Variants in SMARCAL1 observed in about 807,000 individuals in gnomAD.
SMARCAL1 encodes the protein ATP-driven annealing helicase.
In SMARCAL1, 58 loss-of-function variants were observed where a neutral mutation model predicts 94.5. That is an observed-to-expected ratio of 0.61 (90% CI 0.50 to 0.76). The LOEUF (loss-of-function observed/expected upper bound fraction) is 0.76, where lower values mean the gene tolerates loss of function less well. Ranked by LOEUF, SMARCAL1 falls within the 30% of genes least tolerant of loss-of-function variation. The probability of loss-of-function intolerance (pLI) is 0.00; values close to 1 mark genes in which losing one functional copy is unlikely to be tolerated. For missense variants in SMARCAL1, 1,051 were observed against 1,177.9 expected (o/e 0.89, Z 1.58); for synonymous variants, 422 against 455.1 (o/e 0.93, Z 0.93).
intron 17 of SMARCAL1, among the ~76,000 whole-genome samples, chr2:216,479,872 G>A (rs912374181): frequency 2.0e-5 from 3 of 152,052 alleles, no homozygotes; most frequent in Non-Finnish European, 4.4e-5. Flanking sequence ...GCAACATGGT[G>A]AAACCCCCAT....
At chr2:216,450,052 C>T (rs1018776453) in intron 11 of SMARCAL1, among the ~76,000 whole-genome samples, 1 of 152,110 alleles carries the variant, frequency 6.6e-6, no homozygotes, top group Non-Finnish European at 1.5e-5. Flanking sequence ...GGCAAAACTC[C>T]TGACCTCAAC....
intron 6 of SMARCAL1, among the ~76,000 whole-genome samples, chr2:216,426,615 G>A (rs1693839449): frequency 6.6e-6 from 1 of 152,184 alleles, no homozygotes; most frequent in African/African-American, 2.4e-5. Context: ...CTTACTGGGA[G>A]CATTGCAAGG....
In SMARCAL1 at chr2:216,477,083, G is replaced by A. The variant is rs774743664; in HGVS notation, c.2428-26G>A. The A allele has an allele frequency of 7.1e-6, 11 of 1,547,872 alleles. No individual in the cohort carries two copies. The South Asian group carries it at 1.3e-4, about 18-fold the overall frequency. ...ATGGAACTGCTTCAGGCCTTTACCT[G>A]CCTGTCTCAATTCCTGGACACACAG... On this transcript the variant is annotated intron_variant, in intron 15 of 17. Coordinates refer to ENST00000357276, the MANE Select transcript of SMARCAL1 (RefSeq NM_014140.4).
intron 12 of SMARCAL1, among the ~76,000 whole-genome samples, chr2:216,461,175 G>A (rs1694692377): frequency 6.6e-6 from 1 of 151,018 alleles, no homozygotes. Context: ...TAATTAAATT[G>A]ATTTAATTAA....
chr2:216,470,004 T>C (rs1694925860), intron 14 of SMARCAL1, among the ~76,000 whole-genome samples: 1 of 152,206 alleles, frequency 6.6e-6, no homozygotes, highest in Non-Finnish European at 1.5e-5. Flanking sequence ...TTTATTTATT[T>C]ATTTATGGCC....
At chr2:216,456,443 G>C (rs1694570342) in intron 12 of SMARCAL1, among the ~76,000 whole-genome samples, 3 of 152,200 alleles carry the variant, frequency 2.0e-5, no homozygotes, top group Admixed American at 6.5e-5. Flanking sequence ...GGCAGCCAGA[G>C]AGAAAGGTTG....
chr2:216,443,396 G>A (rs1694240634), intron 10 of SMARCAL1, among the ~76,000 whole-genome samples: 1 of 148,416 alleles, frequency 6.7e-6, no homozygotes, highest in African/African-American at 2.5e-5. Context: ...AGCTTGGAAT[G>A]GCATAGCTTT....
chr2:216,445,047 C>T (rs1328176684), intron 10 of SMARCAL1, among the ~76,000 whole-genome samples: 1 of 152,182 alleles, frequency 6.6e-6, no homozygotes, highest in Non-Finnish European at 1.5e-5. Context: ...TTACATTGTT[C>T]TATCTTCGAT....
At chr2:216,467,304 C>T (rs1470468647) in intron 13 of SMARCAL1, among the ~76,000 whole-genome samples, 1 of 152,010 alleles carries the variant, frequency 6.6e-6, no homozygotes, top group Non-Finnish European at 1.5e-5. Context: ...AACCCCATCC[C>T]TACTAAAAAT....
intron 12 of SMARCAL1, among the ~76,000 whole-genome samples, chr2:216,460,720 A>T (rs186161774): frequency 0.032 from 4,872 of 150,062 alleles, 177 homozygotes; most frequent in East Asian, 0.14. Context: ...TAGCATTAGG[A>T]GATATACCTA....
intron 16 of SMARCAL1, among the ~76,000 whole-genome samples, chr2:216,477,830 T>G (rs1160862910): frequency 6.6e-6 from 1 of 152,196 alleles, no homozygotes; most frequent in Admixed American, 6.5e-5. Context: ...TTTCCAGCCT[T>G]ATGACTAAGG....
intron 17 of SMARCAL1, among the ~76,000 whole-genome samples, chr2:216,481,486 G>A (rs1014145463): frequency 1.4e-5 from 2 of 147,218 alleles, no homozygotes; most frequent in Admixed American, 1.4e-4. Context: ...GTGAGCCCTT[G>A]CAGCAGCCTT....
In SMARCAL1 at chr2:216,415,127, T is replaced by C. The variant is rs35907255; in HGVS notation, c.423T>C (p.Tyr141=). 0.011 allele frequency: 18,488 copies of C among 1,613,408 alleles called. 147 individuals carry two copies. The highest frequency in any genetic ancestry group is 0.016 in the Middle Eastern group (94 of 6,062). ...TCCCTAAACAACAGCTCTTGAGTTATGAGTTAGGTCAAGGTCATGCTCAGG... is the reference window on the plus strand; with the variant it reads ...TCCCTAAACAACAGCTCTTGAGTTACGAGTTAGGTCAAGGTCATGCTCAGG... ...PEVPKQQLLS[Y]ELGQGHAQAS... The change falls in exon 3 of 18, where the codon TAT becomes TAC. Residue 141 remains tyrosine (Y), a synonymous_variant. Coordinates refer to ENST00000357276, the MANE Select transcript of SMARCAL1 (RefSeq NM_014140.4).
intron 10 of SMARCAL1, among the ~76,000 whole-genome samples, chr2:216,441,458 GA>G (rs1694194859): frequency 6.6e-6 from 1 of 152,064 alleles, no homozygotes. Flanking sequence ...CCCTCCAACA[GA>G]AAAAGCCACT....
At chr2:216,438,677 A>G (rs1694131039) in intron 10 of SMARCAL1, among the ~76,000 whole-genome samples, 192 bp downstream of exon 10, 1 of 151,914 alleles carries the variant, frequency 6.6e-6, no homozygotes, top group South Asian at 2.1e-4. Flanking sequence ...TCTTCCTAAC[A>G]TCCTGCTAAG....
chr2:216,478,779 G>GA (rs1695140957), intron 17 of SMARCAL1, among the ~76,000 whole-genome samples: 1 of 152,226 alleles, frequency 6.6e-6, no homozygotes, highest in Non-Finnish European at 1.5e-5. Flanking sequence ...AGTATAGTAG[G>GA]TTTGCACAAA....
rs1344689718 is a variant in SMARCAL1, at chr2:216,464,719, A to G, written c.2141+52A>G. 4.0e-6 allele frequency: 5 copies of G among 1,245,736 alleles called. No individual in the cohort carries two copies. The South Asian group carries it at 6.0e-5, about 15-fold the overall frequency. 77.2% of individuals were successfully genotyped at this position (1,245,736 alleles called of 1,614,324 possible). A position where few individuals can be genotyped will look rare whatever the true frequency, so the allele number is the denominator to read the frequency against. Reference sequence around the variant, plus strand: ...TCTCTCTCTCATCTTCAAAAAAAAAAAAAACAACTTATTACTTTATTCTGC... The same window carrying G: ...TCTCTCTCTCATCTTCAAAAAAAAAGAAAACAACTTATTACTTTATTCTGC... On this transcript the variant is annotated intron_variant, in intron 13 of 17. Coordinates refer to ENST00000357276, the MANE Select transcript of SMARCAL1 (RefSeq NM_014140.4).
At chr2:216,468,929 T>C (rs1315324897) in intron 14 of SMARCAL1, among the ~76,000 whole-genome samples, 1 of 152,096 alleles carries the variant, frequency 6.6e-6, no homozygotes, top group Non-Finnish European at 1.5e-5. Flanking sequence ...CCCAGGCTGG[T>C]CTTGAACTCC....
chr2:216,473,598 A>G (rs1361860650), intron 14 of SMARCAL1, among the ~76,000 whole-genome samples: 2 of 152,124 alleles, frequency 1.3e-5, no homozygotes, highest in African/African-American at 4.8e-5. Flanking sequence ...ACACTTAACA[A>G]TACAGTTTTA....
Sources: gnomAD v4.1 joint callset for allele counts (sites outside exome capture counted in the v4.1 genomes callset) on GRCh38, gnomAD v4.1.1 for gene constraint, MANE v1.5 for transcripts, NCBI Gene and HGNC (gene_info 2026-07-23, HGNC 2026-07-21) for gene names.